The following CDYL variants were observed in gnomAD, a reference collection of about 807,000 sequenced individuals.
The protein encoded by CDYL is chromodomain Y-like protein.
A neutral mutation model predicts 47.3 loss-of-function variants in CDYL; 8 were observed. The ratio of observed to expected loss-of-function variants is 0.17; its 90% CI spans 0.10 to 0.31. CDYL has a LOEUF of 0.31. Among genes scored for constraint, CDYL ranks in the 10% least tolerant of loss-of-function variants. The pLI is 1.00. For synonymous variants in CDYL, 266 were observed against 265.0 expected, an observed-to-expected ratio of 1.00 and a Z score of -0.04; for missense variants, 471 against 701.4, an observed-to-expected ratio of 0.67 and a Z score of 3.71.
intron 3 of CDYL, among the ~76,000 whole-genome samples, chr6:4,765,404 CAAA>C (rs1475573310): frequency 6.6e-6 from 1 of 151,712 alleles, no homozygotes; most frequent in African/African-American, 2.4e-5. Context: ...ACATGTGGCT[CAAA>C]GAAGAAACCA....
intron 4 of CDYL, among the ~76,000 whole-genome samples, chr6:4,939,285 G>A (rs376178881): frequency 4.4e-4 from 67 of 152,146 alleles, no homozygotes; most frequent in South Asian, 1.0e-3. Context: ...GGTGGGTAGG[G>A]GGGCTCTTTT....
chr6:4,709,539 T>G (rs1327968075), intron 1 of CDYL, among the ~76,000 whole-genome samples: 1 of 152,176 alleles, frequency 6.6e-6, no homozygotes, highest in Non-Finnish European at 1.5e-5. Context: ...TAGTGATGAC[T>G]GTCATGTGAG....
At chr6:4,879,169 G>A (rs2127477088) in intron 1 of CDYL, among the ~76,000 whole-genome samples, 1 of 152,166 alleles carries the variant, frequency 6.6e-6, no homozygotes, top group South Asian at 2.1e-4. Context: ...TTCGACAGTT[G>A]GATATAACAT....
chr6:4,775,638 T>TCCGCCGCGCCCGGCTCCCGCCCC (rs1758417640), upstream of CDYL, among the ~76,000 whole-genome samples: 1 of 150,576 alleles, frequency 6.6e-6, no homozygotes. This position sits in a 1 kb window ranked among gnomAD's most constrained non-coding sequence, Gnocchi z 7.0. Flanking sequence ...CGCGCCGCCC[T>TCCGCCGCGCCCGGCTCCCGCCCC]CCGCCGCGCC....
intron 1 of CDYL, among the ~76,000 whole-genome samples, chr6:4,713,537 T>C (rs976868401): frequency 1.3e-5 from 2 of 152,070 alleles, no homozygotes; most frequent in Non-Finnish European, 2.9e-5. Flanking sequence ...TATTTCAGTA[T>C]GACTTAATTA....
chr6:4,953,180 T>G (rs887315524), intron 6 of CDYL, among the ~76,000 whole-genome samples: 33 of 151,500 alleles, frequency 2.2e-4, no homozygotes, highest in Non-Finnish European at 3.4e-4. Flanking sequence ...GGTCAGGAGT[T>G]GGAGACCAGC....
intron 2 of CDYL, among the ~76,000 whole-genome samples, chr6:4,900,162 T>A (rs2127492856): frequency 6.6e-6 from 1 of 152,388 alleles, no homozygotes; most frequent in Middle Eastern, 3.4e-3. Context: ...CATTTCTATC[T>A]TTTTCTATGA....
At chr6:4,915,065 T>A (rs1260396460) in intron 2 of CDYL, among the ~76,000 whole-genome samples, 1 of 152,148 alleles carries the variant, frequency 6.6e-6, no homozygotes, top group Non-Finnish European at 1.5e-5. Context: ...ACCTCGTAGA[T>A]CATGTTTAAC....
chr6:4,769,742 C>G (rs937238399), intron 3 of CDYL, among the ~76,000 whole-genome samples: 13 of 152,202 alleles, frequency 8.5e-5, no homozygotes, highest in African/African-American at 4.8e-5. Context: ...CTGGGCTCAA[C>G]AGCTTCCTGC....
At chr6:4,835,918 T>A (rs143861629) in intron 1 of CDYL, among the ~76,000 whole-genome samples, 1 of 152,210 alleles carries the variant, frequency 6.6e-6, no homozygotes, top group Non-Finnish European at 1.5e-5. Flanking sequence ...CGCCATTTTT[T>A]AAGCCCGTCA....
chr6:4,903,525 C>G (rs1283118140), intron 2 of CDYL, among the ~76,000 whole-genome samples: 1 of 152,132 alleles, frequency 6.6e-6, no homozygotes, highest in Non-Finnish European at 1.5e-5. Context: ...GTTCATTGAA[C>G]TTCAACAACA....
chr6:4,835,084 C>G (rs963800938), intron 1 of CDYL, among the ~76,000 whole-genome samples: 3 of 152,224 alleles, frequency 2.0e-5, no homozygotes, highest in African/African-American at 4.8e-5. Flanking sequence ...CAAAGTCATT[C>G]TCCGTCCAGC....
intron 1 of CDYL, among the ~76,000 whole-genome samples, chr6:4,884,292 C>T (rs1212472835): frequency 6.6e-6 from 1 of 152,178 alleles, no homozygotes; most frequent in African/African-American, 2.4e-5. Context: ...ATTGCTTTAG[C>T]TGGCTGGGTC....
chr6:4,892,018 C>A lies in CDYL; in HGVS notation c.330C>A (p.Ser110Arg). The A allele has an allele frequency of 1.9e-6, 3 of 1,614,212 alleles. No homozygotes were observed. Among genetic ancestry groups the A allele is most frequent in the Non-Finnish European group, 2.5e-6 (3 of 1,180,036 alleles). Residue 110 changes from serine to arginine, a missense_variant, in exon 2 of 7, where the codon AGC (serine) becomes AGA (arginine). Around this residue, in one of 3 missense-constraint regions of CDYL, gnomAD observed 311 missense variants for 350.0 expected, o/e 0.89. Transcript: ENST00000397588. ...VIGKDHESKN[S>R]QLFAASQKFR... The stretch of plus-strand genomic sequence containing the variant: ...GGAAAGACCACGAATCCAAAAACAG[C>A]CAGCTGTTTGCTGCCAGCCAGAAGT...
At chr6:4,727,234 TC>T (rs1181338799) in intron 2 of CDYL, among the ~76,000 whole-genome samples, 1 of 152,160 alleles carries the variant, frequency 6.6e-6, no homozygotes, top group Non-Finnish European at 1.5e-5. Flanking sequence ...GTGGGTTTCT[TC>T]CTTTCAACCT....
Position 4,776,485 on chromosome 6 carries a change from G to A in CDYL, c.-299G>A. ...GCGCCGCCCGCACGCCGCCGCGCCC[G>A]CCCCAGCCCGCCCGGCCCCGCGGCG... On this transcript the variant is annotated 5_prime_UTR_variant, in exon 1 of 7. Transcript: ENST00000397588. The A allele has an allele frequency of 7.5e-6, 1 of 133,726 alleles. No homozygotes were observed. The highest frequency in any genetic ancestry group is 2.1e-4 in the South Asian group (1 of 4,774). 8.3% of individuals were successfully genotyped at this position (133,726 alleles called of 1,614,324 possible). A position where few individuals can be genotyped will look rare whatever the true frequency, so the allele number is the denominator to read the frequency against.
At chr6:4,863,743 C>G (rs1761240123) in intron 1 of CDYL, among the ~76,000 whole-genome samples, 3 of 152,184 alleles carry the variant, frequency 2.0e-5, no homozygotes, top group Non-Finnish European at 2.9e-5. Context: ...GAAGCTGAGA[C>G]ATATTTAATG....
At chr6:4,751,762 A>G (rs915830935) in intron 3 of CDYL, among the ~76,000 whole-genome samples, 3 of 152,264 alleles carry the variant, frequency 2.0e-5, no homozygotes, top group South Asian at 2.1e-4. Flanking sequence ...AGGAGAAGAA[A>G]AAAAGTGATA....
chr6:4,843,246 G>C (rs1254479675), intron 1 of CDYL, among the ~76,000 whole-genome samples: 3 of 152,086 alleles, frequency 2.0e-5, no homozygotes, highest in Non-Finnish European at 4.4e-5. Flanking sequence ...CAGCTCTTAA[G>C]ATTCTTTTCC....
Sources: allele counts gnomAD v4.1 joint callset (sites outside exome capture counted in the v4.1 genomes callset), GRCh38; gene constraint gnomAD v4.1.1; regional missense constraint gnomAD v4.1.1; non-coding constraint Gnocchi (gnomAD v3.1); transcripts MANE v1.5; gene names NCBI Gene and HGNC (gene_info 2026-07-23, HGNC 2026-07-21).